The following PTPRT variants were observed in gnomAD, a reference collection of about 807,000 sequenced individuals.
PTPRT encodes protein tyrosine phosphatase receptor type T.
In PTPRT, 56 loss-of-function variants were observed where a neutral mutation model predicts 176.8. The ratio of observed to expected loss-of-function variants is 0.32; its 90% confidence interval spans 0.26 to 0.40. The LOEUF is 0.40. PTPRT is among the 10% of genes least tolerant of loss of function. The probability of loss-of-function intolerance (pLI) is 1.00; values close to 1 mark genes in which losing one functional copy is unlikely to be tolerated. For missense variants in PTPRT, 1,540 were observed against 1,908.2 expected, an observed-to-expected ratio of 0.81 and a Z score of 3.60; for synonymous variants, 783 against 739.0, an observed-to-expected ratio of 1.06 and a Z score of -0.96.
intron 17 of PTPRT, among the ~76,000 whole-genome samples, chr20:42,144,033 C>T (rs1052397514): frequency 2.6e-5 from 4 of 152,164 alleles, no homozygotes; most frequent in African/African-American, 9.6e-5. Context: ...CTTGAAGAAG[C>T]CCTCAGGCAA....
chr20:42,909,366 A>G (rs2079517258), intron 1 of PTPRT, among the ~76,000 whole-genome samples: 1 of 152,174 alleles, frequency 6.6e-6, no homozygotes. Context: ...CTAAAAGGAC[A>G]TTATGATGAA....
At chr20:42,913,438 T>A (rs909405533) in intron 1 of PTPRT, among the ~76,000 whole-genome samples, 1 of 152,186 alleles carries the variant, frequency 6.6e-6, no homozygotes, top group Admixed American at 6.5e-5. Flanking sequence ...ACACATTGTC[T>A]TTTCTGTCTC....
chr20:42,155,761 C>T (rs1989323582), intron 17 of PTPRT, among the ~76,000 whole-genome samples: 1 of 152,094 alleles, frequency 6.6e-6, no homozygotes, highest in African/African-American at 2.4e-5. Flanking sequence ...GTAGGCTTGT[C>T]TGGGCTCTGG....
At chr20:42,857,444 A>T (rs763440774) in intron 2 of PTPRT, among the ~76,000 whole-genome samples, 2 of 151,854 alleles carry the variant, frequency 1.3e-5, no homozygotes, top group Non-Finnish European at 2.9e-5. Context: ...CTCAGCGTAC[A>T]TTTTTTCTCT....
At chr20:42,285,724 T>C (rs1000023168) in intron 12 of PTPRT, among the ~76,000 whole-genome samples, 1 of 151,158 alleles carries the variant, frequency 6.6e-6, no homozygotes, top group Non-Finnish European at 1.5e-5. Flanking sequence ...GGCATCCAAA[T>C]TGGAAAAAAA....
intron 15 of PTPRT, among the ~76,000 whole-genome samples, chr20:42,210,480 C>A (rs1261919939): frequency 6.6e-6 from 1 of 152,154 alleles, no homozygotes; most frequent in Non-Finnish European, 1.5e-5. Context: ...GTACAAAAAT[C>A]ATAAGCATTC....
chr20:42,191,945 G>A (rs1486746430), intron 16 of PTPRT, among the ~76,000 whole-genome samples: 1 of 152,116 alleles, frequency 6.6e-6, no homozygotes, highest in Admixed American at 6.6e-5. Flanking sequence ...CAGAGAGTTG[G>A]GCAACTGTCA....
chr20:42,319,624 C>T (rs1447780939), intron 11 of PTPRT, among the ~76,000 whole-genome samples: 2 of 152,180 alleles, frequency 1.3e-5, no homozygotes, highest in African/African-American at 4.8e-5. Context: ...GACCACAGAA[C>T]TCTGATTGAA....
intron 1 of PTPRT, among the ~76,000 whole-genome samples, chr20:43,126,103 A>T (rs1568800136): frequency 6.6e-6 from 1 of 152,188 alleles, no homozygotes; most frequent in Non-Finnish European, 1.5e-5. Flanking sequence ...TAATCCCAGC[A>T]CTTTGGGAGG....
intron 11 of PTPRT, among the ~76,000 whole-genome samples, chr20:42,325,318 C>A (rs527812151): frequency 6.6e-6 from 1 of 152,230 alleles, no homozygotes; most frequent in East Asian, 1.9e-4. Flanking sequence ...CAAAGAGTGG[C>A]TTTGTTTCTT....
At chr20:42,972,766 GGTCCATGAGCT>G (rs1982731507) in intron 1 of PTPRT, among the ~76,000 whole-genome samples, 1 of 151,490 alleles carries the variant, frequency 6.6e-6, no homozygotes, top group Non-Finnish European at 1.5e-5. Flanking sequence ...TAAGCAGGGA[GGTCCATGAGCT>G]GGCGTCTATT....
chr20:42,170,754 A>AAT (rs1409365428), intron 16 of PTPRT, among the ~76,000 whole-genome samples: 2 of 152,226 alleles, frequency 1.3e-5, no homozygotes, highest in African/African-American at 4.8e-5. Context: ...TAAAAGACAT[A>AAT]ATTGCTGTTA....
intron 2 of PTPRT, 89 bp from the exon 3 acceptor site, chr20:42,791,555 G>T: frequency 7.2e-7 from 1 of 1,395,534 alleles, no homozygotes. Context: ...AAACATGGTG[G>T]CCAGAGGAGT....
At chr20:43,147,370 T>C (rs548137361) in intron 1 of PTPRT, among the ~76,000 whole-genome samples, 54 of 152,218 alleles carry the variant, frequency 3.5e-4, no homozygotes, top group African/African-American at 1.2e-3. Flanking sequence ...TGTTGCACAG[T>C]AGAAACTCAA....
intron 9 of PTPRT, among the ~76,000 whole-genome samples, chr20:42,377,579 A>C (rs1013953551): frequency 2.0e-5 from 3 of 152,184 alleles, no homozygotes; most frequent in Non-Finnish European, 2.9e-5. Context: ...TGGTGTAACG[A>C]GGTTCTAAAC....
At chr20:42,434,050 A>C (rs531039888) in intron 9 of PTPRT, among the ~76,000 whole-genome samples, 1 of 152,300 alleles carries the variant, frequency 6.6e-6, no homozygotes, top group African/African-American at 2.4e-5. Context: ...AGAAATGAGA[A>C]TATGTTGGGC....
chr20:42,993,444 ATATATATATGTATGTGTGTG>A (rs1984037013), intron 1 of PTPRT, among the ~76,000 whole-genome samples: 4 of 95,124 alleles, frequency 4.2e-5, no homozygotes, highest in African/African-American at 2.1e-4. Context: ...ATGTGTGTAT[ATATATATATGTATGTGTGTG>A]TATATATATA....
chr20:42,836,523 G>A (rs1397852), intron 2 of PTPRT, among the ~76,000 whole-genome samples: 42,261 of 152,076 alleles, frequency 0.28, 7,582 homozygotes, highest in Non-Finnish European at 0.4. Context: ...GAAAAGAAAG[G>A]CCAGGTCTGT....
At chr20:43,181,453 T>C (rs2015255947) in intron 1 of PTPRT, among the ~76,000 whole-genome samples, 1 of 152,046 alleles carries the variant, frequency 6.6e-6, no homozygotes, top group African/African-American at 2.4e-5. Flanking sequence ...GACCTGACAC[T>C]GGGCCCAGGC....
Sources: allele counts gnomAD v4.1 joint callset (sites outside exome capture counted in the v4.1 genomes callset), GRCh38; gene constraint gnomAD v4.1.1; transcripts MANE v1.5; gene names NCBI Gene and HGNC (gene_info 2026-07-23, HGNC 2026-07-21).